C8orf89: variants seen among roughly 807,000 people sequenced by gnomAD.
The protein encoded by C8orf89 is chromosome 8 open reading frame 89.
Under a neutral mutation model 15.8 loss-of-function variants are expected in C8orf89, and 14 were observed. The ratio of observed to expected loss-of-function variants is 0.89; its 90% CI spans 0.59 to 1.39. The LOEUF is 1.39. C8orf89 is among the 40% of genes most tolerant of loss of function. The pLI is 0.00. For synonymous variants in C8orf89, 55 were observed against 62.2 expected (o/e 0.88, Z 0.54); for missense variants, 181 against 184.5 (o/e 0.98, Z 0.11).
At chr8:73,277,700 G>C in the C8orf89 span, 1 of 751,708 alleles carries the variant, frequency 1.3e-6, no homozygotes, top group Non-Finnish European at 2.5e-6. Flanking sequence ...TTCCTGATGT[G>C]CTCCTTTACC....
upstream of C8orf89, among the ~76,000 whole-genome samples, chr8:73,260,035 G>A (rs1002965366): frequency 2.0e-5 from 3 of 152,118 alleles, no homozygotes; most frequent in Non-Finnish European, 2.9e-5. Context: ...TCCTTGCTGG[G>A]CATTTTGCAT....
At chr8:73,284,717 G>T in the C8orf89 span, among the ~76,000 whole-genome samples, 1 of 152,128 alleles carries the variant, frequency 6.6e-6, no homozygotes, top group African/African-American at 2.4e-5. Context: ...ACATTATAAT[G>T]TAATTTGAAA....
At chr8:73,262,350 A>G (rs1297088267), upstream of C8orf89, among the ~76,000 whole-genome samples, 1 of 152,178 alleles carries the variant, frequency 6.6e-6, no homozygotes, top group African/African-American at 2.4e-5. Context: ...GACCAAGGTT[A>G]TACCAAAGAA....
the C8orf89 span, among the ~76,000 whole-genome samples, chr8:73,272,258 C>T: frequency 1.3e-5 from 2 of 152,062 alleles, no homozygotes; most frequent in African/African-American, 2.4e-5. Context: ...CCTTTCTCCT[C>T]TCTCCCACCT....
intron 2 of C8orf89, among the ~76,000 whole-genome samples, chr8:73,255,973 G>T (rs1813371792): frequency 6.9e-6 from 1 of 145,080 alleles, no homozygotes; most frequent in Admixed American, 7.0e-5. Flanking sequence ...GTGGGGGGAG[G>T]CGGGAGGGAT....
At chr8:73,264,138 G>A (rs1401567564), upstream of C8orf89, among the ~76,000 whole-genome samples, 2 of 152,024 alleles carry the variant, frequency 1.3e-5, no homozygotes, top group Non-Finnish European at 2.9e-5. Flanking sequence ...TATACTTGGG[G>A]GTCCTCTAAA....
chr8:73,283,092 A>G, the C8orf89 span, among the ~76,000 whole-genome samples: 1 of 152,308 alleles, frequency 6.6e-6, no homozygotes, highest in East Asian at 1.9e-4. Context: ...ACTGTAATAA[A>G]GTTGGCAAAG....
At chr8:73,285,563 C>G in the C8orf89 span, among the ~76,000 whole-genome samples, 2 of 152,254 alleles carry the variant, frequency 1.3e-5, no homozygotes, top group African/African-American at 4.8e-5. Context: ...CTGAGCCTCC[C>G]GCTCCTTGGC....
At position 73,257,006 on chromosome 8, in the gene C8orf89, A is replaced by C; in HGVS notation, c.248T>G (p.Leu83Arg). Residue 83 changes from leucine to arginine, a missense_variant, in exon 2 of 4, where the codon CTG (leucine) becomes CGG (arginine). Coordinates refer to ENST00000624510, the MANE Select transcript of C8orf89 (RefSeq NM_001243237.3). ...AGACACCTCGGCATCAGCACGTGGCAGTCTTTTAGGAACCTCTAGTGGAGT... is the reference window on the plus strand; with the variant it reads ...AGACACCTCGGCATCAGCACGTGGCCGTCTTTTAGGAACCTCTAGTGGAGT... ...SSTPLEVPKRLPRADAEVSAV... is the reference protein window; with the variant it reads ...SSTPLEVPKRRPRADAEVSAV... The C allele has an allele frequency of 1.3e-6, 2 of 1,535,780 alleles. No homozygotes were observed. The highest frequency in any genetic ancestry group is 1.7e-6 in the Non-Finnish European group (2 of 1,146,748).
At chr8:73,272,918 TACTA>T in the C8orf89 span, among the ~76,000 whole-genome samples, 6 of 152,230 alleles carry the variant, frequency 3.9e-5, no homozygotes, top group Admixed American at 6.5e-5. Flanking sequence ...ATCCAATAGC[TACTA>T]ACTGTTTGAA....
chr8:73,279,403 T>G, the C8orf89 span, among the ~76,000 whole-genome samples: 7 of 152,294 alleles, frequency 4.6e-5, no homozygotes, highest in Non-Finnish European at 1.0e-4. Flanking sequence ...GTAATATGAA[T>G]TCAGACCCCA....
chr8:73,261,506 A>T (rs2130296934), upstream of C8orf89, among the ~76,000 whole-genome samples: 1 of 152,042 alleles, frequency 6.6e-6, no homozygotes, highest in African/African-American at 2.4e-5. Flanking sequence ...AGCCTCAGCA[A>T]TGGGGGAGTA....
intron 3 of C8orf89, among the ~76,000 whole-genome samples, chr8:73,247,358 T>A (rs760345538): frequency 6.6e-6 from 1 of 152,238 alleles, no homozygotes; most frequent in African/African-American, 2.4e-5. Context: ...GGCATTTAGG[T>A]TGAGTCCATG....
the C8orf89 span, among the ~76,000 whole-genome samples, chr8:73,273,680 G>A: frequency 6.6e-6 from 1 of 152,186 alleles, no homozygotes; most frequent in East Asian, 1.9e-4. Context: ...TGGGGCCCAG[G>A]CTGTCAGTTC....
At chr8:73,282,456 G>A in the C8orf89 span, among the ~76,000 whole-genome samples, 1 of 152,180 alleles carries the variant, frequency 6.6e-6, no homozygotes, top group Non-Finnish European at 1.5e-5. Context: ...AGGCATTCCA[G>A]GAAAAGATAT....
intron 3 of C8orf89, among the ~76,000 whole-genome samples, chr8:73,246,641 C>A (rs550788108): frequency 2.6e-5 from 4 of 152,212 alleles, no homozygotes; most frequent in African/African-American, 9.6e-5. Flanking sequence ...CCTCCCAAAG[C>A]GTTAGGATTA....
At chr8:73,266,339 C>G in the C8orf89 span, among the ~76,000 whole-genome samples, 1 of 152,190 alleles carries the variant, frequency 6.6e-6, no homozygotes, top group Non-Finnish European at 1.5e-5. Context: ...TGAAGCCCTT[C>G]TATCTTGGGA....
the C8orf89 span, among the ~76,000 whole-genome samples, chr8:73,285,902 C>CCCGG: frequency 1.1e-3 from 161 of 152,186 alleles, 1 homozygote; most frequent in African/African-American, 3.5e-3. Flanking sequence ...CTGGGCCCGG[C>CCCGG]CCGGCCGGCG....
chr8:73,250,290 T>C lies in C8orf89; in HGVS notation c.315A>G (p.Ala105=). ...LKKTKETCSV[A]PLWEKSKGSG... ...TACCTTTTGATTTCTCCCAAAGTGG[T>C]GCCACACTGCATGTCTCCTTAGTCT... Residue 105 remains alanine (A), a synonymous_variant, in exon 3 of 4, where the codon GCA becomes GCG. Coordinates refer to ENST00000624510, the MANE Select transcript of C8orf89 (RefSeq NM_001243237.3). 6.5e-7 allele frequency: 1 copy of C among 1,533,612 alleles called. No individual in the cohort carries two copies. The highest frequency in any genetic ancestry group is 8.7e-7 in the Non-Finnish European group (1 of 1,145,080).
Sources: gnomAD v4.1 joint callset for allele counts (sites outside exome capture counted in the v4.1 genomes callset) on GRCh38, gnomAD v4.1.1 for gene constraint, MANE v1.5 for transcripts, NCBI Gene and HGNC (gene_info 2026-07-23, HGNC 2026-07-21) for gene names.